Variants in STK32B observed in about 807,000 individuals in gnomAD.
STK32B encodes serine/threonine kinase 32B, also known as serine/threonine-protein kinase 32B.
A neutral mutation model predicts 52.6 loss-of-function variants in STK32B; 43 were observed. The ratio of observed to expected loss-of-function variants is 0.82; its 90% CI spans 0.64 to 1.05. The LOEUF (loss-of-function observed/expected upper bound fraction) is 1.05, where lower values mean the gene tolerates loss of function less well. STK32B is among the 50% of genes least tolerant of loss of function. STK32B has a pLI of 0.00. For missense variants in STK32B, 621 were observed against 534.6 expected (o/e 1.16, Z -1.59); for synonymous variants, 238 against 204.3 (o/e 1.17, Z -1.41).
intron 5 of STK32B, among the ~76,000 whole-genome samples, chr4:5,412,511 G>A (rs1711778653): frequency 6.6e-6 from 1 of 152,158 alleles, no homozygotes; most frequent in African/African-American, 2.4e-5. Context: ...GAGCAACCCT[G>A]AAGGCCAGGA....
chr4:5,114,454 C>T (rs1054223924), intron 1 of STK32B, among the ~76,000 whole-genome samples: 4 of 151,982 alleles, frequency 2.6e-5, no homozygotes, highest in African/African-American at 9.7e-5. Flanking sequence ...CTATCACGCT[C>T]ACCAAAGACA....
At chr4:5,370,994 G>GTGTATATATATATATA (rs938836660) in intron 4 of STK32B, among the ~76,000 whole-genome samples, 1 of 138,468 alleles carries the variant, frequency 7.2e-6, no homozygotes, top group East Asian at 2.2e-4. Context: ...ATGTGTGTGT[G>GTGTATATATATATATA]TGTATATATA....
intron 3 of STK32B, among the ~76,000 whole-genome samples, chr4:5,230,208 T>TTTTTTTTTTTTTTTTTTTTTTTG (rs58022709): frequency 1.9e-5 from 2 of 103,490 alleles, no homozygotes; most frequent in African/African-American, 3.3e-5. Flanking sequence ...TTTTTTTTTT[T>TTTTTTTTTTTTTTTTTTTTTTTG]TAGTGGAGTC....
intron 8 of STK32B, chr4:5,458,928 A>C (rs916436927): frequency 9.9e-5 from 15 of 152,190 alleles, no homozygotes; most frequent in African/African-American, 3.4e-4. Flanking sequence ...CTGACTGCTC[A>C]TTAGAACCAT....
chr4:5,305,699 T>G (rs1249461465), intron 3 of STK32B, among the ~76,000 whole-genome samples: 1 of 152,054 alleles, frequency 6.6e-6, no homozygotes, highest in East Asian at 1.9e-4. Flanking sequence ...GTTTCCATTT[T>G]ATTTAGTTCT....
intron 6 of STK32B, among the ~76,000 whole-genome samples, 175 bp downstream of exon 6, chr4:5,417,109 C>A (rs1312789960): frequency 6.6e-6 from 1 of 152,236 alleles, no homozygotes; most frequent in Non-Finnish European, 1.5e-5. Context: ...CTTTTCCAAG[C>A]TGTCTCCTCT....
Position 5,317,414 on chromosome 4 carries a change from T to A in STK32B, c.261-13806T>A, listed in dbSNP as rs1192335117. On this transcript the variant is annotated intron_variant, in intron 3 of 11. Transcript: ENST00000282908. ...ATATAATATATATAATGTATATGTA[T>A]TATATATAATACATATATATTACAT... is the stretch of plus-strand genomic sequence containing the variant. Among the ~76,000 whole-genome samples the A allele has an allele frequency of 4.4e-4, 10 of 22,742 alleles. 2 individuals are homozygous for A. The highest frequency in any genetic ancestry group is 3.8e-3 in the African/African-American group (10 of 2,654). The allele number at this position is 22,742 out of a possible 152,430, so 14.9% of individuals were successfully genotyped here.
chr4:5,162,432 GTGCAGGTGTGT>G (rs1437784250), intron 2 of STK32B, among the ~76,000 whole-genome samples: 1 of 152,164 alleles, frequency 6.6e-6, no homozygotes, highest in Non-Finnish European at 1.5e-5. Flanking sequence ...TGACCACCGC[GTGCAGGTGTGT>G]TGCAGGTTCT....
At chr4:5,291,372 G>A (rs935834143) in intron 3 of STK32B, among the ~76,000 whole-genome samples, 3 of 151,880 alleles carry the variant, frequency 2.0e-5, no homozygotes, top group East Asian at 1.9e-4. Context: ...GTCTTGTACT[G>A]CTTTCACCAA....
At chr4:5,431,126 A>T (rs1251084833) in intron 6 of STK32B, among the ~76,000 whole-genome samples, 1 of 152,220 alleles carries the variant, frequency 6.6e-6, no homozygotes, top group Non-Finnish European at 1.5e-5. Flanking sequence ...GGGAAATGAA[A>T]CTGCATTTGC....
At chr4:5,102,100 C>T (rs941683764) in intron 1 of STK32B, among the ~76,000 whole-genome samples, 5 of 152,190 alleles carry the variant, frequency 3.3e-5, no homozygotes, top group South Asian at 2.1e-4. Flanking sequence ...GTGAACCAGT[C>T]GGATGATCCC....
At chr4:5,088,694 G>A (rs28820081) in intron 1 of STK32B, among the ~76,000 whole-genome samples, 5,968 of 151,852 alleles carry the variant, frequency 0.039, 384 homozygotes, top group African/African-American at 0.14. Flanking sequence ...ATGCATTGCA[G>A]CCTGTATCAA....
At chr4:5,272,348 A>C (rs1328594374) in intron 3 of STK32B, among the ~76,000 whole-genome samples, 1 of 147,484 alleles carries the variant, frequency 6.8e-6, no homozygotes, top group Non-Finnish European at 1.5e-5. Flanking sequence ...CATCCCAGGG[A>C]TGAAGCCCAC....
chr4:5,270,997 G>C (rs1028755764), intron 3 of STK32B, among the ~76,000 whole-genome samples: 1 of 152,038 alleles, frequency 6.6e-6, no homozygotes, highest in Non-Finnish European at 1.5e-5. Flanking sequence ...GAGTGCAGGG[G>C]TGCGATCTCA....
chr4:5,317,539 G>GTATATATATA (rs373146893), intron 3 of STK32B, among the ~76,000 whole-genome samples: 4 of 92,146 alleles, frequency 4.3e-5, no homozygotes, highest in African/African-American at 1.5e-4. Flanking sequence ...TATATTACAT[G>GTATATATATA]TATATATATA....
At chr4:5,407,868 C>T (rs897377331) in intron 5 of STK32B, among the ~76,000 whole-genome samples, 8 of 152,070 alleles carry the variant, frequency 5.3e-5, no homozygotes, top group African/African-American at 1.5e-4. Flanking sequence ...AGACGTAAAC[C>T]GTATCAGAGG....
At chr4:5,030,235 T>A in the STK32B span, among the ~76,000 whole-genome samples, 1 of 152,218 alleles carries the variant, frequency 6.6e-6, no homozygotes, top group African/African-American at 2.4e-5. Flanking sequence ...GGTTATTCAC[T>A]GAGGTTGATG....
chr4:5,089,282 C>G (rs1195289663), intron 1 of STK32B, among the ~76,000 whole-genome samples: 2 of 151,956 alleles, frequency 1.3e-5, no homozygotes, highest in African/African-American at 4.8e-5. Context: ...ATACGTATAC[C>G]TGTGCCATGG....
At chr4:5,141,063 C>T (rs969239163) in intron 2 of STK32B, among the ~76,000 whole-genome samples, 3 of 152,052 alleles carry the variant, frequency 2.0e-5, no homozygotes, top group African/African-American at 7.2e-5. Context: ...AATAGGGTAG[C>T]CACTAACCAC....
Sources: gnomAD v4.1 joint callset for allele counts (sites outside exome capture counted in the v4.1 genomes callset) on GRCh38, gnomAD v4.1.1 for gene constraint, MANE v1.5 for transcripts, NCBI Gene and HGNC (gene_info 2026-07-23, HGNC 2026-07-21) for gene names.